Variants in CUBN observed in about 807,000 individuals in gnomAD.
The protein encoded by CUBN is 460 kDa receptor.
CUBN carries 282 observed loss-of-function variants against 405.3 expected under a neutral mutation model. The observed-to-expected ratio is 0.70, with a 90% CI of 0.63 to 0.77. CUBN has a LOEUF of 0.77. CUBN is among the 30% of genes least tolerant of loss of function. CUBN has a pLI of 0.00. For synonymous variants in CUBN, 1,684 were observed against 1,617.0 expected, an observed-to-expected ratio of 1.04 and a Z score of -0.99; for missense variants, 4,514 against 4,475.2, an observed-to-expected ratio of 1.01 and a Z score of -0.25.
intron 58 of CUBN, among the ~76,000 whole-genome samples, chr10:16,873,771 C>G (rs1262821205): frequency 1.3e-5 from 2 of 150,156 alleles, no homozygotes; most frequent in African/African-American, 2.4e-5. Context: ...CTTTGAGAGA[C>G]AGTATTGGGA....
chr10:16,918,606 T>A lies in CUBN; in HGVS notation c.7000+16A>T. ...TACCCCTGAACCTAAAATAAAAGTT[T>A]TAAAAAAATTATTACCTATAGAATA... On this transcript the variant is annotated intron_variant, in intron 45 of 66. Transcript: ENST00000377833. The A allele has an allele frequency of 7.5e-6, 12 of 1,605,252 alleles. No homozygotes were observed. Among genetic ancestry groups the A allele is most frequent in the Non-Finnish European group, 1.0e-5 (12 of 1,173,690 alleles).
Position 17,127,264 on chromosome 10 carries a change from CTTTTTTTTT to C in CUBN, c.349-474_349-466del, listed in dbSNP as rs34414528. The stretch of plus-strand genomic sequence containing the variant: ...TCTTTCTGTCTCTCTCTCTCTCTTT[CTTTTTTTTT>C]TTTTTTTTTTCTGGCAAGGTCCCAC... On this transcript the variant is annotated intron_variant, in intron 3 of 66. Coordinates refer to ENST00000377833, the MANE Select transcript of CUBN (RefSeq NM_001081.4). Among the ~76,000 whole-genome samples, 5 of 82,834 alleles carry C rather than the reference CTTTTTTTTT, an allele frequency of 6.0e-5. No homozygotes were observed. The Admixed American group carries it at 8.0e-4, about 13-fold the overall frequency. The allele number at this position is 82,834 out of a possible 152,430, so 54.3% of individuals were successfully genotyped here.
intron 17 of CUBN, 23 bp downstream of exon 17, chr10:17,084,248 G>C: frequency 6.2e-7 from 1 of 1,610,772 alleles, no homozygotes; most frequent in Non-Finnish European, 8.5e-7. Context: ...GTCATCTAAG[G>C]GCGATTGAGT....
chr10:16,870,368 A>G (rs967301594), intron 58 of CUBN, among the ~76,000 whole-genome samples: 13 of 152,186 alleles, frequency 8.5e-5, no homozygotes, highest in Non-Finnish European at 1.9e-4. Flanking sequence ...TTTAAAATGA[A>G]GTTTATGTTA....
At chr10:17,023,298 A>T (rs1203937616) in intron 27 of CUBN, among the ~76,000 whole-genome samples, 1 of 152,116 alleles carries the variant, frequency 6.6e-6, no homozygotes, top group Non-Finnish European at 1.5e-5. Context: ...CATTAAAATA[A>T]GCATCAAATA....
At chr10:16,998,606 C>G (rs1833798605) in intron 28 of CUBN, among the ~76,000 whole-genome samples, 2 of 152,192 alleles carry the variant, frequency 1.3e-5, no homozygotes, top group Admixed American at 1.3e-4. Context: ...CTCATTCTTT[C>G]CCTGATAATT....
chr10:16,966,731 G>A (rs568795213), intron 31 of CUBN, among the ~76,000 whole-genome samples: 1 of 152,326 alleles, frequency 6.6e-6, no homozygotes, highest in African/African-American at 2.4e-5. Context: ...TTACAGGCAT[G>A]AGCCACTGTG....
At chr10:16,893,718 G>A (rs1448546440) in intron 54 of CUBN, among the ~76,000 whole-genome samples, 2 of 152,116 alleles carry the variant, frequency 1.3e-5, no homozygotes, top group Non-Finnish European at 2.9e-5. Flanking sequence ...TTATTCAGGA[G>A]TTACATTCCA....
chr10:17,099,990 C>T lies in CUBN; in HGVS notation c.1765+15G>A. On this transcript the variant is annotated intron_variant, in intron 14 of 66. Coordinates refer to ENST00000377833, the MANE Select transcript of CUBN (RefSeq NM_001081.4). ...TCAAAATTTTGCTTGCTTTTTTCTC[C>T]AGGTTCACACATACCTGGTTGCTGT... 2 of 1,590,384 alleles carry T rather than the reference C, an allele frequency of 1.3e-6. No homozygotes were observed. The highest frequency in any genetic ancestry group is 1.7e-6 in the Non-Finnish European group (2 of 1,158,702).
intron 31 of CUBN, among the ~76,000 whole-genome samples, chr10:16,981,529 A>G (rs972945112): frequency 1.3e-5 from 2 of 152,156 alleles, no homozygotes; most frequent in African/African-American, 4.8e-5. Flanking sequence ...GCAAATGCTA[A>G]AAGAGCACTG....
chr10:16,889,938 A>AAAAAAAAAAAAAAAAAAAAAAAACAAAC (rs1554788545), intron 55 of CUBN, among the ~76,000 whole-genome samples: 7 of 129,490 alleles, frequency 5.4e-5, no homozygotes, highest in African/African-American at 2.1e-4. Context: ...GCCGTGTCAA[A>AAAAAAAAAAAAAAAAAAAAAAAACAAAC]AAAAAAAAAA....
intron 48 of CUBN, among the ~76,000 whole-genome samples, chr10:16,909,944 G>C (rs1841672660): frequency 6.6e-6 from 1 of 152,278 alleles, no homozygotes; most frequent in East Asian, 1.9e-4. Flanking sequence ...AGAAATTTTA[G>C]GCTCATTCCA....
chr10:16,832,727 G>A (rs1839045734), intron 64 of CUBN, among the ~76,000 whole-genome samples: 1 of 152,156 alleles, frequency 6.6e-6, no homozygotes, highest in Non-Finnish European at 1.5e-5. Flanking sequence ...GCATCTCTGG[G>A]ACATCAGAGG....
In CUBN at chr10:16,889,953, A is replaced by AAAAAAAAAAAAAAG. The variant is rs57009841; in HGVS notation, c.8755+417_8755+418insCTTTTTTTTTTTTT. On this transcript the variant is annotated intron_variant, in intron 55 of 66. Coordinates refer to ENST00000377833, the MANE Select transcript of CUBN (RefSeq NM_001081.4). ...GCCGTGTCAAAAAAAAAAAAAAAAAACAGGAAAGACTTCGTCATGGAAATT... is the reference window on the plus strand; with the variant it reads ...GCCGTGTCAAAAAAAAAAAAAAAAAAAAAAAAAAAAAAAGCAGGAAAGACTTCGTCATGGAAATT... 2.0e-3 allele frequency among the ~76,000 whole-genome samples: 231 copies of AAAAAAAAAAAAAAG among 118,004 alleles called. 38 individuals carry two copies. Among genetic ancestry groups the AAAAAAAAAAAAAAG allele is most frequent in the African/African-American group, 9.1e-3 (218 of 23,864 alleles). The allele number at this position is 118,004 out of a possible 152,430, so 77.4% of individuals were successfully genotyped here.
At chr10:16,907,219 T>A (rs1357551702) in intron 49 of CUBN, among the ~76,000 whole-genome samples, 3 of 152,226 alleles carry the variant, frequency 2.0e-5, no homozygotes, top group Non-Finnish European at 4.4e-5. Context: ...GACCAGGGAC[T>A]ACGGAACAGG....
chr10:17,069,763 C>T (rs907026366), intron 19 of CUBN, among the ~76,000 whole-genome samples: 3 of 152,092 alleles, frequency 2.0e-5, no homozygotes, highest in Non-Finnish European at 4.4e-5. Context: ...AGGCTGGTCT[C>T]GAACTCCTGA....
intron 60 of CUBN, among the ~76,000 whole-genome samples, chr10:16,842,762 C>T (rs1839392270): frequency 6.6e-6 from 1 of 152,200 alleles, no homozygotes; most frequent in Admixed American, 6.5e-5. Context: ...AAGTAAAATT[C>T]CAGCTCCCTC....
chr10:16,865,810 G>A (rs1183681578), intron 59 of CUBN, among the ~76,000 whole-genome samples: 2 of 152,026 alleles, frequency 1.3e-5, no homozygotes, highest in South Asian at 2.1e-4. Flanking sequence ...TCCACGCTGC[G>A]GAAGTTTTGT....
intron 7 of CUBN, 127 bp from the exon 8 acceptor site, chr10:17,114,316 C>T: frequency 1.1e-6 from 1 of 923,052 alleles, no homozygotes; most frequent in East Asian, 2.6e-5. Context: ...AATCCACTGG[C>T]TTCTCTTTTT....
Sources: allele counts gnomAD v4.1 joint callset (sites outside exome capture counted in the v4.1 genomes callset), GRCh38; gene constraint gnomAD v4.1.1; transcripts MANE v1.5; gene names NCBI Gene and HGNC (gene_info 2026-07-23, HGNC 2026-07-21).